The following MAML2 variants were observed in gnomAD, a reference collection of about 807,000 sequenced individuals.
MAML2 encodes mastermind-like protein 2.
Under a neutral mutation model 96.1 loss-of-function variants are expected in MAML2, and 22 were observed. That is an observed-to-expected ratio of 0.23 (90% CI 0.16 to 0.33). The LOEUF (loss-of-function observed/expected upper bound fraction) is 0.33. MAML2 is among the 10% of genes least tolerant of loss of function. The pLI is 1.00. For missense variants in MAML2, 1,367 were observed against 1,392.4 expected, an observed-to-expected ratio of 0.98 and a Z score of 0.29; for synonymous variants, 561 against 521.3, an observed-to-expected ratio of 1.08 and a Z score of -1.04.
chr11:96,155,289 T>G (rs1308078939), intron 1 of MAML2, among the ~76,000 whole-genome samples: 2 of 151,720 alleles, frequency 1.3e-5, no homozygotes, highest in Non-Finnish European at 2.9e-5. Context: ...GTGAAGAGAA[T>G]GCATCAGATG....
At chr11:96,064,132 C>G (rs184058272) in intron 2 of MAML2, among the ~76,000 whole-genome samples, 1 of 152,110 alleles carries the variant, frequency 6.6e-6, no homozygotes, top group Non-Finnish European at 1.5e-5. Context: ...CTCCTAAGCA[C>G]GGCAATATTT....
At chr11:96,232,527 T>A (rs1315506741) in intron 1 of MAML2, among the ~76,000 whole-genome samples, 1 of 151,918 alleles carries the variant, frequency 6.6e-6, no homozygotes, top group African/African-American at 2.4e-5. Flanking sequence ...TGGAGTGCAA[T>A]GGTGCGATCT....
At chr11:96,008,812 T>A (rs1858226750) in intron 2 of MAML2, among the ~76,000 whole-genome samples, 2 of 152,206 alleles carry the variant, frequency 1.3e-5, no homozygotes, top group Non-Finnish European at 2.9e-5. Flanking sequence ...CTAGCTGTTT[T>A]GGTATAAAAT....
At chr11:96,138,741 C>CT (rs1206330862) in intron 1 of MAML2, among the ~76,000 whole-genome samples, 1 of 151,896 alleles carries the variant, frequency 6.6e-6, no homozygotes, top group East Asian at 1.9e-4. Context: ...AGGAAGGCCC[C>CT]AAAAAGCTTT....
At chr11:96,170,107 A>G (rs977284754) in intron 1 of MAML2, among the ~76,000 whole-genome samples, 3 of 152,216 alleles carry the variant, frequency 2.0e-5, no homozygotes, top group Non-Finnish European at 4.4e-5. Flanking sequence ...ACAGCATCAC[A>G]CGGTCCCTTT....
chr11:95,978,846 T>C lies in MAML2; in HGVS notation c.*102A>G. 9.3e-7 allele frequency: 1 copy of C among 1,070,962 alleles called. No individual in the cohort carries two copies. Among genetic ancestry groups the C allele is most frequent in the Admixed American group, 3.0e-5 (1 of 33,766 alleles). 66.3% of individuals were successfully genotyped at this position (1,070,962 alleles called of 1,614,324 possible). On this transcript the variant is annotated 3_prime_UTR_variant, in exon 5 of 5. Transcript: ENST00000524717. ...CTTTCCATTTTTAAGCATGTTATCT[T>C]CATGTAGTCCACCTGAACATCAACA...
chr11:96,143,266 A>G (rs987679539), intron 1 of MAML2, among the ~76,000 whole-genome samples: 7 of 152,354 alleles, frequency 4.6e-5, no homozygotes, highest in African/African-American at 1.7e-4. Flanking sequence ...CTGTAGCAGT[A>G]TAACATGGTA....
At chr11:96,158,856 G>A (rs983086945) in intron 1 of MAML2, among the ~76,000 whole-genome samples, 3 of 152,196 alleles carry the variant, frequency 2.0e-5, no homozygotes, top group South Asian at 2.1e-4. Flanking sequence ...AAAATCTACT[G>A]TGTTAAGAGA....
intron 4 of MAML2, 41 bp from the exon 5 acceptor site, chr11:95,980,004 G>A: frequency 6.6e-7 from 1 of 1,507,318 alleles, no homozygotes; most frequent in Non-Finnish European, 9.0e-7. Context: ...GTAGCAGCAT[G>A]TTATCTCCTC....
At chr11:96,046,338 T>C (rs1373673419) in intron 2 of MAML2, among the ~76,000 whole-genome samples, 1 of 152,016 alleles carries the variant, frequency 6.6e-6, no homozygotes, top group African/African-American at 2.4e-5. Context: ...ATGGAAGGGT[T>C]TTTTTTGTTG....
intron 4 of MAML2, among the ~76,000 whole-genome samples, chr11:95,980,708 C>A (rs1857724057): frequency 6.6e-6 from 1 of 152,208 alleles, no homozygotes; most frequent in Admixed American, 6.5e-5. Context: ...ATTAAACTTT[C>A]TTTTATCTTC....
intron 1 of MAML2, among the ~76,000 whole-genome samples, chr11:96,140,534 A>C (rs899707626): frequency 2.6e-5 from 4 of 152,172 alleles, no homozygotes; most frequent in Non-Finnish European, 5.9e-5. Context: ...AAACCATAAG[A>C]AGCTACTCTC....
chr11:96,061,437 T>C (rs1269639492), intron 2 of MAML2, among the ~76,000 whole-genome samples: 1 of 152,234 alleles, frequency 6.6e-6, no homozygotes, highest in African/African-American at 2.4e-5. Context: ...TTCCTTTTTC[T>C]GAACAATGTC....
chr11:96,286,221 G>A (rs2135988983), intron 1 of MAML2, among the ~76,000 whole-genome samples: 1 of 152,268 alleles, frequency 6.6e-6, no homozygotes, highest in South Asian at 2.1e-4. Context: ...AACTAACGCA[G>A]GAACAGAAAA....
At chr11:96,307,957 G>A (rs1863487715) in intron 1 of MAML2, among the ~76,000 whole-genome samples, 1 of 152,092 alleles carries the variant, frequency 6.6e-6, no homozygotes, top group Non-Finnish European at 1.5e-5. Flanking sequence ...GGAAGAGGAG[G>A]GTGGAAGAGA....
intron 1 of MAML2, among the ~76,000 whole-genome samples, chr11:96,299,052 A>AT (rs1270843589): frequency 2.7e-5 from 1 of 37,458 alleles, no homozygotes; most frequent in African/African-American, 1.1e-4. Context: ...CTCAAAAAAA[A>AT]AAAAAAAAAT....
chr11:96,100,375 T>C (rs1409923304), intron 1 of MAML2, among the ~76,000 whole-genome samples: 4 of 151,882 alleles, frequency 2.6e-5, no homozygotes, highest in Non-Finnish European at 5.9e-5. Flanking sequence ...AGTGGCACGA[T>C]CTTGGCTCAC....
Position 95,979,879 on chromosome 11 carries a change from C to G in MAML2, c.2540G>C (p.Ser847Thr), listed in dbSNP as rs755809170. 1 of 1,613,728 alleles carries G rather than the reference C, an allele frequency of 6.2e-7. No homozygotes were observed. The highest frequency in any genetic ancestry group is 1.3e-5 in the African/African-American group (1 of 74,904). ...STHTILTPNS[S>T]LLSTSHGTRM... ...TGTCCCGTGAGAAGTAGACAGGAGG[C>G]TGGAATTGGGAGTTAAAATGGTGTG... Residue 847 changes from serine to threonine, a missense_variant, in exon 5 of 5, where the codon AGC (serine) becomes ACC (threonine). Ser to Thr is a moderately conservative substitution (Grantham distance 58, BLOSUM62 1). Coordinates refer to ENST00000524717, the MANE Select transcript of MAML2 (RefSeq NM_032427.4).
At chr11:96,016,623 T>C (rs1037882939) in intron 2 of MAML2, among the ~76,000 whole-genome samples, 1 of 152,170 alleles carries the variant, frequency 6.6e-6, no homozygotes, top group African/African-American at 2.4e-5. Flanking sequence ...CTAACTATGA[T>C]GACATTTTAC....
Sources: gnomAD v4.1 joint callset for allele counts (sites outside exome capture counted in the v4.1 genomes callset) on GRCh38, gnomAD v4.1.1 for gene constraint, MANE v1.5 for transcripts, NCBI Gene and HGNC (gene_info 2026-07-23, HGNC 2026-07-21) for gene names.